The following RASA2 variants were observed in gnomAD, a reference collection of about 807,000 sequenced individuals.
RASA2 encodes ras GTPase-activating protein 2.
RASA2 carries 155 observed loss-of-function variants against 118.2 expected under a neutral mutation model. That is an observed-to-expected ratio of 1.31 (90% CI 1.15 to 1.50). The LOEUF (loss-of-function observed/expected upper bound fraction) is 1.50. Among genes scored for constraint, RASA2 ranks in the 40% most tolerant of loss-of-function variants. RASA2 has a pLI of 0.00. For missense variants in RASA2, 1,016 were observed against 1,009.6 expected (o/e 1.01, Z -0.09); for synonymous variants, 353 against 349.1 (o/e 1.01, Z -0.12).
chr3:141,575,037 T>C (rs2082989159), intron 14 of RASA2, among the ~76,000 whole-genome samples: 1 of 152,238 alleles, frequency 6.6e-6, no homozygotes. Context: ...TTTTAATATA[T>C]TTCTGATAAG....
In RASA2 at chr3:141,496,114, T is replaced by C. The variant is rs375323767; in HGVS notation, c.133+8898T>C. On this transcript the variant is annotated intron_variant, in intron 1 of 23. Transcript: ENST00000286364. Reference sequence around the variant, plus strand: ...CGGTGCTGGGAAAACTGGCTAGGCATGTGTAGAAAGCTGAAACTGGAACCC... The same window carrying C: ...CGGTGCTGGGAAAACTGGCTAGGCACGTGTAGAAAGCTGAAACTGGAACCC... Among the ~76,000 whole-genome samples the C allele has an allele frequency of 2.1e-3, 327 of 152,322 alleles. 4 individuals carry two copies. Among genetic ancestry groups the C allele is most frequent in the African/African-American group, 7.4e-3 (309 of 41,556 alleles).
intron 4 of RASA2, among the ~76,000 whole-genome samples, chr3:141,531,740 C>G (rs2082263763): frequency 6.6e-6 from 1 of 151,844 alleles, no homozygotes; most frequent in Non-Finnish European, 1.5e-5. Flanking sequence ...AAGATTTGCT[C>G]ACTATTTAAA....
At chr3:141,565,088 C>A (rs1463832903) in intron 9 of RASA2, among the ~76,000 whole-genome samples, 1 of 152,018 alleles carries the variant, frequency 6.6e-6, no homozygotes, top group African/African-American at 2.4e-5. Flanking sequence ...TGGGTTCAAG[C>A]GATTCTCCTG....
intron 1 of RASA2, among the ~76,000 whole-genome samples, chr3:141,502,117 A>T (rs142572326): frequency 6.6e-6 from 1 of 152,212 alleles, no homozygotes; most frequent in Non-Finnish European, 1.5e-5. Flanking sequence ...ATAATGCAAC[A>T]TTTCAAAATG....
rs1335723224 is a variant in RASA2, at chr3:141,487,096, G to C, written c.13G>C (p.Ala5Pro). The C allele has an allele frequency of 7.2e-6, 10 of 1,380,860 alleles. No individual in the cohort carries two copies. The highest frequency in any genetic ancestry group is 9.5e-6 in the Non-Finnish European group (10 of 1,054,208). 85.5% of individuals were successfully genotyped at this position (1,380,860 alleles called of 1,614,324 possible). Residue 5 changes from alanine to proline, a missense_variant, in exon 1 of 24, where the codon GCG becomes CCG. Ala to Pro is a conservative substitution (Grantham distance 27). Coordinates refer to ENST00000286364, the MANE Select transcript of RASA2 (RefSeq NM_006506.5). The part of the protein sequence containing the change: MAAA[A>P]PAAAAASSEA... Reference sequence around the variant, plus strand: ...GCCGGGCGGCACCATGGCGGCGGCGGCGCCTGCTGCTGCGGCGGCTTCTTC... The same window carrying C: ...GCCGGGCGGCACCATGGCGGCGGCGCCGCCTGCTGCTGCGGCGGCTTCTTC...
chr3:141,524,692 G>A (rs1159103124), intron 3 of RASA2, among the ~76,000 whole-genome samples: 1 of 152,084 alleles, frequency 6.6e-6, no homozygotes, highest in East Asian at 1.9e-4. Context: ...CTGGGTTCAA[G>A]CAATTCTCTT....
chr3:141,532,456 A>G (rs1408696683), intron 4 of RASA2, among the ~76,000 whole-genome samples: 2 of 152,178 alleles, frequency 1.3e-5, no homozygotes, highest in Non-Finnish European at 1.5e-5. Context: ...TAGGAACTTT[A>G]CATTGCCAGT....
At chr3:141,522,278 C>T (rs1047714406) in intron 3 of RASA2, among the ~76,000 whole-genome samples, 2 of 152,050 alleles carry the variant, frequency 1.3e-5, no homozygotes, top group African/African-American at 4.8e-5. Flanking sequence ...CTGGATCAGT[C>T]AGTAGAGATG....
intron 17 of RASA2, among the ~76,000 whole-genome samples, chr3:141,584,928 C>T (rs775934816): frequency 1.1e-4 from 16 of 151,898 alleles, no homozygotes; most frequent in Non-Finnish European, 2.2e-4. Context: ...ATCTGAAAAT[C>T]CAAAATTCAA....
intron 1 of RASA2, among the ~76,000 whole-genome samples, chr3:141,504,732 C>T (rs1241909152): frequency 6.6e-6 from 1 of 152,142 alleles, no homozygotes; most frequent in Non-Finnish European, 1.5e-5. Flanking sequence ...CAAAACCTTA[C>T]CATCTGACAC....
At position 141,613,358 on chromosome 3, in the gene RASA2, T is replaced by A. The variant is rs1303186494; in HGVS notation, c.*1045T>A. On this transcript the variant is annotated 3_prime_UTR_variant, in exon 24 of 24. Transcript: ENST00000286364. The stretch of plus-strand genomic sequence containing the variant: ...AAAATAATGCTTTCCTGAAAATGTT[T>A]ATATTTCATTGCTGTTTCCTTATTG... The A allele has an allele frequency of 6.6e-6, 1 of 152,246 alleles. No individual in the cohort carries two copies. The highest frequency in any genetic ancestry group is 1.5e-5 in the Non-Finnish European group (1 of 68,042). 9.4% of individuals were successfully genotyped at this position (152,246 alleles called of 1,614,324 possible).
chr3:141,559,894 G>T lies in RASA2; in HGVS notation c.762G>T (p.Arg254Ser), dbSNP rs2082704739. 1.2e-6 allele frequency: 2 copies of T among 1,612,312 alleles called. No individual in the cohort carries two copies. Among genetic ancestry groups the T allele is most frequent in the Non-Finnish European group, 1.7e-6 (2 of 1,178,874 alleles). ...EEEDIEKLEI[R>S]IDLWNNGNLV... ...CATAAAGCCAGTTTTCAATTTTCAGGATCGACTTGTGGAACAATGGAAACC... is the reference window on the plus strand; with the variant it reads ...CATAAAGCCAGTTTTCAATTTTCAGTATCGACTTGTGGAACAATGGAAACC... The change falls in exon 9 of 24, where the codon AGG (arginine) becomes AGT (serine). Residue 254 changes from arginine to serine, a missense_variant and splice_region_variant. Transcript: ENST00000286364.
At chr3:141,609,373 C>A in intron 21 of RASA2, 47 bp from the exon 22 acceptor site, 1 of 1,220,698 alleles carries the variant, frequency 8.2e-7, no homozygotes, top group Non-Finnish European at 1.1e-6. Context: ...GGCATGTTAA[C>A]AAAATAAAAT....
At chr3:141,582,468 T>C (rs2083130710) in intron 17 of RASA2, among the ~76,000 whole-genome samples, 1 of 152,226 alleles carries the variant, frequency 6.6e-6, no homozygotes, top group African/African-American at 2.4e-5. Context: ...TTGAGGGTTG[T>C]TTTTCCATGT....
intron 19 of RASA2, among the ~76,000 whole-genome samples, chr3:141,604,500 T>C (rs183141951): frequency 6.6e-6 from 1 of 152,328 alleles, no homozygotes; most frequent in African/African-American, 2.4e-5. Flanking sequence ...TTTCCTAGCA[T>C]CTCCCTAAAG....
Position 141,612,328 on chromosome 3 carries a change from G to A in RASA2, c.*15G>A. The A allele has an allele frequency of 6.4e-7, 1 of 1,565,524 alleles. No individual in the cohort carries two copies. The highest frequency in any genetic ancestry group is 8.7e-7 in the Non-Finnish European group (1 of 1,147,424). On this transcript the variant is annotated 3_prime_UTR_variant, in exon 24 of 24. Coordinates refer to ENST00000286364, the MANE Select transcript of RASA2 (RefSeq NM_006506.5). ...AAGCATCTTAGAGTTTAACAGATTG[G>A]TTCAGAAGAACTGGAAAATATTATT...
chr3:141,524,769 T>G (rs2082161883), intron 3 of RASA2, among the ~76,000 whole-genome samples: 2 of 152,150 alleles, frequency 1.3e-5, no homozygotes, highest in East Asian at 1.9e-4. Context: ...TTTTTGTATT[T>G]TAGTAGAGAT....
chr3:141,504,028 A>G (rs1033997722), intron 1 of RASA2, among the ~76,000 whole-genome samples: 1 of 152,242 alleles, frequency 6.6e-6, no homozygotes, highest in African/African-American at 2.4e-5. Flanking sequence ...TGCCAAAGTT[A>G]TATACACACG....
intron 19 of RASA2, among the ~76,000 whole-genome samples, chr3:141,590,383 T>C (rs1164559239): frequency 6.6e-6 from 1 of 152,256 alleles, no homozygotes; most frequent in Non-Finnish European, 1.5e-5. Flanking sequence ...TTTCTTGTGA[T>C]GTCTGTGAAC....
Sources: gnomAD v4.1 joint callset for allele counts (sites outside exome capture counted in the v4.1 genomes callset) on GRCh38, gnomAD v4.1.1 for gene constraint, MANE v1.5 for transcripts, NCBI Gene and HGNC (gene_info 2026-07-23, HGNC 2026-07-21) for gene names.